The following BTBD1 variants were observed in gnomAD, a reference collection of about 807,000 sequenced individuals.
BTBD1 encodes the protein BTB domain containing 1.
Under a neutral mutation model 48.0 loss-of-function variants are expected in BTBD1, and 34 were observed. The ratio of observed to expected loss-of-function variants is 0.71; its 90% CI spans 0.54 to 0.94. BTBD1 has a LOEUF of 0.94. Among genes scored for constraint, BTBD1 ranks in the 40% least tolerant of loss-of-function variants. The probability of loss-of-function intolerance (pLI) is 0.00; values close to 1 mark genes in which losing one functional copy is unlikely to be tolerated. For synonymous variants in BTBD1, 261 were observed against 242.1 expected (o/e 1.08, Z -0.72); for missense variants, 543 against 625.6 (o/e 0.87, Z 1.41).
intron 1 of BTBD1, 43 bp downstream of exon 1, chr15:83,066,693 TCCCAGCCCGGCCCGG>T (rs1270178690): frequency 2.0e-5 from 24 of 1,217,374 alleles, no homozygotes; most frequent in East Asian, 1.1e-4. Context: ...CCCGGGGATC[TCCCAGCCCGGCCCGG>T]CCCGGCCCGG....
intron 4 of BTBD1, among the ~76,000 whole-genome samples, chr15:83,041,158 AG>A (rs68104251): frequency 0.4 from 53,809 of 133,086 alleles, 11,227 homozygotes; most frequent in African/African-American, 0.53. Context: ...TCTCAAAAAA[AG>A]AAAAAAAAGA....
At chr15:83,066,481 T>C (rs1447659214) in intron 1 of BTBD1, among the ~76,000 whole-genome samples, 1 of 152,174 alleles carries the variant, frequency 6.6e-6, no homozygotes, top group Admixed American at 6.5e-5. Context: ...CAATCCATAA[T>C]TGGAATGCGA....
At chr15:83,063,495 C>T (rs897083717) in intron 1 of BTBD1, among the ~76,000 whole-genome samples, 20 of 152,294 alleles carry the variant, frequency 1.3e-4, no homozygotes, top group African/African-American at 4.8e-4. Flanking sequence ...TCACCATCGC[C>T]TCTTGCCTGG....
rs1491038215 is a variant in BTBD1, at chr15:83,041,157, AAG to A, written c.862+569_862+570del. On this transcript the variant is annotated intron_variant, in intron 4 of 7. Coordinates refer to ENST00000261721, the MANE Select transcript of BTBD1 (RefSeq NM_025238.4). ...ACAGAGGAAGACTCTGTCTCAAAAA[AAG>A]AAAAAAAAGAAAAAAAAAAAAAGCC... 8.3e-4 allele frequency among the ~76,000 whole-genome samples: 119 copies of A among 142,552 alleles called. 1 individual carries two copies. Among genetic ancestry groups the A allele is most frequent in the East Asian group, 7.6e-3 (39 of 5,128 alleles). The allele number at this position is 142,552 out of a possible 152,430, so 93.5% of individuals were successfully genotyped here.
intron 4 of BTBD1, among the ~76,000 whole-genome samples, chr15:83,035,409 A>C (rs1408742587): frequency 6.6e-6 from 1 of 152,194 alleles, no homozygotes; most frequent in Non-Finnish European, 1.5e-5. Flanking sequence ...TTCTGACTAT[A>C]CTGGAATTAA....
At position 83,055,036 on chromosome 15, in the gene BTBD1, T is replaced by C. The variant is rs1324943306; in HGVS notation, c.558+1353A>G. Among the ~76,000 whole-genome samples the C allele has an allele frequency of 2.6e-5, 4 of 152,250 alleles. No homozygotes were observed. The East Asian group carries it at 5.8e-4, about 22-fold the overall frequency. On this transcript the variant is annotated intron_variant, in intron 2 of 7. Coordinates refer to ENST00000261721, the MANE Select transcript of BTBD1 (RefSeq NM_025238.4). ...AGGGGCCATCAATAATTATTTCCAG[T>C]ACTAATGTCAAATGGGATATTTTAT...
At chr15:83,020,652 T>TA (rs1395996498) in intron 6 of BTBD1, 23 bp downstream of exon 6, 2 of 1,420,754 alleles carry the variant, frequency 1.4e-6, no homozygotes, top group Admixed American at 3.8e-5. Flanking sequence ...CAAAATGATA[T>TA]ATGGTGGGGG....
intron 1 of BTBD1, among the ~76,000 whole-genome samples, chr15:83,060,055 T>A (rs2033152358): frequency 6.6e-6 from 1 of 152,222 alleles, no homozygotes. Context: ...CTTATATTTT[T>A]AATTTATTTC....
At chr15:83,052,998 T>A (rs956281779) in intron 2 of BTBD1, among the ~76,000 whole-genome samples, 2 of 151,980 alleles carry the variant, frequency 1.3e-5, no homozygotes, top group Non-Finnish European at 2.9e-5. Context: ...TAAAAATTGA[T>A]CTTTCACTCT....
chr15:83,046,340 A>C (rs2032877360), intron 3 of BTBD1, among the ~76,000 whole-genome samples: 1 of 152,252 alleles, frequency 6.6e-6, no homozygotes, highest in South Asian at 2.1e-4. Context: ...GTAGAAAGAC[A>C]AACACATAGG....
intron 2 of BTBD1, among the ~76,000 whole-genome samples, chr15:83,054,869 C>G (rs1465707815): frequency 6.6e-6 from 1 of 152,038 alleles, no homozygotes; most frequent in African/African-American, 2.4e-5. Flanking sequence ...TGGTACCAAA[C>G]ATTTTCTAAA....
chr15:83,026,051 G>A (rs1021914261), intron 5 of BTBD1, among the ~76,000 whole-genome samples: 10 of 152,108 alleles, frequency 6.6e-5, no homozygotes, highest in Non-Finnish European at 7.4e-5. Context: ...TTACAGGCAT[G>A]AGCCACCACG....
At chr15:83,030,989 C>T (rs995421176) in intron 4 of BTBD1, among the ~76,000 whole-genome samples, 5 of 152,100 alleles carry the variant, frequency 3.3e-5, no homozygotes, top group Admixed American at 6.6e-5. Context: ...GCTATACATA[C>T]GTGTGCATGT....
intron 5 of BTBD1, among the ~76,000 whole-genome samples, chr15:83,024,869 TG>T (rs1186559597): frequency 3.3e-5 from 5 of 152,188 alleles, no homozygotes; most frequent in Non-Finnish European, 7.3e-5. Context: ...CCCAAAGTGC[TG>T]GGATTACAGG....
intron 1 of BTBD1, among the ~76,000 whole-genome samples, chr15:83,057,048 T>C (rs1170209562): frequency 6.6e-6 from 1 of 152,136 alleles, no homozygotes; most frequent in Non-Finnish European, 1.5e-5. Flanking sequence ...CAGTCCCTCA[T>C]GGCCAAAGAG....
chr15:83,041,690 A>T (rs765776805), intron 4 of BTBD1, 38 bp downstream of exon 4: 1 of 1,594,848 alleles, frequency 6.3e-7, no homozygotes, highest in Non-Finnish European at 8.6e-7. Context: ...GACTATTAAA[A>T]CAGTTTCAAA....
chr15:83,064,061 A>T (rs1042524839), intron 1 of BTBD1, among the ~76,000 whole-genome samples: 1 of 152,236 alleles, frequency 6.6e-6, no homozygotes, highest in Non-Finnish European at 1.5e-5. Context: ...ACTGAAGAAC[A>T]TCATTTAAAG....
intron 5 of BTBD1, among the ~76,000 whole-genome samples, chr15:83,028,963 CTCTTT>C (rs1013991894): frequency 5.9e-5 from 9 of 152,046 alleles, no homozygotes; most frequent in African/African-American, 2.2e-4. Context: ...TATTTACTTT[CTCTTT>C]TCTTATAGTT....
chr15:83,021,834 TTGAG>T (rs2032305892), intron 5 of BTBD1, among the ~76,000 whole-genome samples: 1 of 152,056 alleles, frequency 6.6e-6, no homozygotes, highest in Non-Finnish European at 1.5e-5. Flanking sequence ...CAAAATTACA[TTGAG>T]TAACTCTCAA....
Sources: gnomAD v4.1 joint callset for allele counts (sites outside exome capture counted in the v4.1 genomes callset) on GRCh38, gnomAD v4.1.1 for gene constraint, MANE v1.5 for transcripts, NCBI Gene and HGNC (gene_info 2026-07-23, HGNC 2026-07-21) for gene names.